The following ZSWIM6 variants were observed in gnomAD, a reference collection of about 807,000 sequenced individuals.
The protein encoded by ZSWIM6 is zinc finger SWIM-type containing 6, also known as zinc finger SWIM domain-containing protein 6.
Under a neutral mutation model 113.2 loss-of-function variants are expected in ZSWIM6, and 9 were observed. The observed-to-expected ratio is 0.08, with a 90% confidence interval of 0.05 to 0.14. The LOEUF is 0.14. Ranked by LOEUF, ZSWIM6 falls within the 10% of genes least tolerant of loss-of-function variation. The pLI is 1.00. For synonymous variants in ZSWIM6, 611 were observed against 606.5 expected, an observed-to-expected ratio of 1.01 and a Z score of -0.11; for missense variants, 1,162 against 1,552.2, an observed-to-expected ratio of 0.75 and a Z score of 4.22.
rs570004638 is a variant in ZSWIM6 at position 61,366,194 on chromosome 5, C to A, written c.676+33246C>A. Reference sequence around the variant, plus strand: ...TACAAGCGTGAACCACCACACCCAGCCTAAGTGTCATTTTTAATTTCTTTT... The same window carrying A: ...TACAAGCGTGAACCACCACACCCAGACTAAGTGTCATTTTTAATTTCTTTT... On this transcript the variant is annotated intron_variant, in intron 1 of 13. Coordinates refer to ENST00000252744, the MANE Select transcript of ZSWIM6 (RefSeq NM_020928.2). 7.9e-5 allele frequency among the ~76,000 whole-genome samples: 12 copies of A among 152,318 alleles called. No homozygotes were observed. The South Asian group carries it at 2.5e-3, about 32-fold the overall frequency.
Position 61,535,584 on chromosome 5 carries a change from T to C in ZSWIM6, c.2346T>C (p.Ala782=). Residue 782 remains alanine (A), a synonymous_variant, in exon 10 of 14, where the codon GCT becomes GCC. Transcript: ENST00000252744. ...YLFTSLLPHD[A]ELAYKIALRA... Reference sequence around the variant, plus strand: ...TCACCTCTCTCCTACCTCACGATGCTGAATTGGCATACAAAATTGCACTGA... The same window carrying C: ...TCACCTCTCTCCTACCTCACGATGCCGAATTGGCATACAAAATTGCACTGA... The C allele has an allele frequency of 6.4e-7, 1 of 1,551,350 alleles. No homozygotes were observed.
intron 1 of ZSWIM6, among the ~76,000 whole-genome samples, chr5:61,406,104 T>G (rs957113893): frequency 6.6e-6 from 1 of 152,202 alleles, no homozygotes; most frequent in Non-Finnish European, 1.5e-5. Context: ...CCCTCCAGTC[T>G]TGGCCTTCTC....
chr5:61,405,266 C>T (rs1389800390), intron 1 of ZSWIM6, among the ~76,000 whole-genome samples: 4 of 152,164 alleles, frequency 2.6e-5, no homozygotes, highest in Non-Finnish European at 4.4e-5. Flanking sequence ...TGGGATTAAT[C>T]AAAATGTATA....
chr5:61,443,508 A>G (rs563343264), intron 1 of ZSWIM6, among the ~76,000 whole-genome samples: 182 of 152,280 alleles, frequency 1.2e-3, no homozygotes, highest in African/African-American at 4.1e-3. Flanking sequence ...GGGACCCAAT[A>G]TCCAGAAAAA....
chr5:61,523,454 T>G (rs1749187820), intron 5 of ZSWIM6, among the ~76,000 whole-genome samples: 2 of 152,226 alleles, frequency 1.3e-5, no homozygotes, highest in South Asian at 4.1e-4. Flanking sequence ...ATAGCCAATT[T>G]TATAATTTTT....
At chr5:61,415,314 T>C (rs1418983725) in intron 1 of ZSWIM6, among the ~76,000 whole-genome samples, 1 of 152,160 alleles carries the variant, frequency 6.6e-6, no homozygotes, top group Non-Finnish European at 1.5e-5. Context: ...ACCCTTGGGC[T>C]GGGCGCAGTG....
intron 4 of ZSWIM6, among the ~76,000 whole-genome samples, chr5:61,507,973 T>C (rs1748669757): frequency 6.6e-6 from 1 of 152,166 alleles, no homozygotes; most frequent in African/African-American, 2.4e-5. Context: ...TTAAACACCA[T>C]AGTGTTTAAG....
At chr5:61,416,926 G>C (rs1746270606) in intron 1 of ZSWIM6, among the ~76,000 whole-genome samples, 1 of 152,228 alleles carries the variant, frequency 6.6e-6, no homozygotes, top group Admixed American at 6.5e-5. Context: ...ACCTCGGTCA[G>C]TGATCAGGAG....
intron 1 of ZSWIM6, among the ~76,000 whole-genome samples, chr5:61,470,032 G>A (rs991203792): frequency 6.6e-6 from 1 of 152,162 alleles, no homozygotes; most frequent in Non-Finnish European, 1.5e-5. Context: ...CTTTTTTGAA[G>A]CATCTGTTAT....
At chr5:61,541,721 G>A (rs1356157110) in intron 12 of ZSWIM6, among the ~76,000 whole-genome samples, 163 bp from the exon 13 acceptor site, 1 of 152,230 alleles carries the variant, frequency 6.6e-6, no homozygotes, top group Non-Finnish European at 1.5e-5. Context: ...GGTAGCCATG[G>A]ACAAATCCAA....
chr5:61,373,986 CATT>C (rs992880199), intron 1 of ZSWIM6, among the ~76,000 whole-genome samples: 3 of 152,122 alleles, frequency 2.0e-5, no homozygotes, highest in Admixed American at 6.6e-5. Context: ...AACTGTAAAA[CATT>C]AATGTAAAAT....
intron 4 of ZSWIM6, among the ~76,000 whole-genome samples, chr5:61,517,228 C>T (rs535549391): frequency 1.3e-5 from 2 of 152,148 alleles, no homozygotes; most frequent in African/African-American, 4.8e-5. Flanking sequence ...CCAATTTTTT[C>T]TTCTCCTCAT....
chr5:61,505,637 TCCTTCCTTCCTTCCTTCCTTC>T (rs1330613401), intron 4 of ZSWIM6, among the ~76,000 whole-genome samples: 1 of 100,338 alleles, frequency 1.0e-5, no homozygotes, highest in Non-Finnish European at 2.2e-5. Flanking sequence ...CTTCCTTCCT[TCCTTCCTTCCTTCCTTCCTTC>T]CTTCCTTCCT....
At chr5:61,518,750 CTGA>C (rs1749032661) in intron 4 of ZSWIM6, among the ~76,000 whole-genome samples, 2 of 152,134 alleles carry the variant, frequency 1.3e-5, no homozygotes, top group Admixed American at 6.5e-5. Flanking sequence ...CCTGTTCACT[CTGA>C]TGATAGTTTC....
At chr5:61,352,203 A>T (rs1245534508) in intron 1 of ZSWIM6, among the ~76,000 whole-genome samples, 1 of 152,158 alleles carries the variant, frequency 6.6e-6, no homozygotes, top group African/African-American at 2.4e-5. Flanking sequence ...CCTAATTGTC[A>T]TCTTGGCTCA....
In ZSWIM6 at chr5:61,535,516, C is replaced by T; in HGVS notation, c.2278C>T (p.His760Tyr). 6.4e-7 allele frequency: 1 copy of T among 1,551,334 alleles called. No homozygotes were observed. Among genetic ancestry groups the T allele is most frequent in the South Asian group, 1.2e-5 (1 of 84,056 alleles). The change falls in exon 10 of 14, where the codon CAT (histidine) becomes TAT (tyrosine). Residue 760 changes from histidine (H) to tyrosine (Y), a missense_variant. Transcript: ENST00000252744. ...ATATAGTGGTTTAGGTGAAATAATC[C>T]ATCGGGAGAGCGTTCCAATGCACAC... Reference protein sequence around the residue: ...GPYSGLGEIIHRESVPMHTFA... With the variant: ...GPYSGLGEIIYRESVPMHTFA...
chr5:61,520,592 T>C (rs1238009391), intron 4 of ZSWIM6, among the ~76,000 whole-genome samples: 2 of 152,266 alleles, frequency 1.3e-5, no homozygotes, highest in East Asian at 1.9e-4. Context: ...TAGGGAAGTA[T>C]GTTTAAATGG....
chr5:61,358,768 G>A (rs977035232), intron 1 of ZSWIM6, among the ~76,000 whole-genome samples: 22 of 152,238 alleles, frequency 1.4e-4, no homozygotes, highest in South Asian at 2.1e-4. Flanking sequence ...CAGTGCTGTT[G>A]TTTTGGTTTA....
At chr5:61,453,915 C>T (rs985472861) in intron 1 of ZSWIM6, among the ~76,000 whole-genome samples, 1 of 152,032 alleles carries the variant, frequency 6.6e-6, no homozygotes, top group African/African-American at 2.4e-5. Flanking sequence ...TTCTTTAAAG[C>T]TTCACCCACT....
Sources: allele counts gnomAD v4.1 joint callset (sites outside exome capture counted in the v4.1 genomes callset), GRCh38; gene constraint gnomAD v4.1.1; transcripts MANE v1.5; gene names NCBI Gene and HGNC (gene_info 2026-07-23, HGNC 2026-07-21).